The following KLHL1 variants were observed in gnomAD, a reference collection of about 807,000 sequenced individuals.
KLHL1 encodes kelch-like protein 1.
Under a neutral mutation model 77.7 loss-of-function variants are expected in KLHL1, and 47 were observed. That is an observed-to-expected ratio of 0.60 (90% CI 0.48 to 0.77). The LOEUF (loss-of-function observed/expected upper bound fraction) is 0.77. Ranked by LOEUF, KLHL1 falls within the 30% of genes least tolerant of loss-of-function variation. KLHL1 has a pLI of 0.00. For missense variants in KLHL1, 925 were observed against 910.8 expected (o/e 1.02, Z -0.20); for synonymous variants, 360 against 325.2 (o/e 1.11, Z -1.15).
At chr13:69,903,935 C>T (rs977258565) in intron 4 of KLHL1, among the ~76,000 whole-genome samples, 7 of 151,612 alleles carry the variant, frequency 4.6e-5, no homozygotes, top group African/African-American at 1.5e-4. Flanking sequence ...CCACCGCGCC[C>T]GGCCCTCACA....
intron 1 of KLHL1, among the ~76,000 whole-genome samples, chr13:70,039,694 T>C (rs1033521578): frequency 4.8e-5 from 7 of 146,712 alleles, no homozygotes; most frequent in Non-Finnish European, 7.5e-5. Flanking sequence ...GGCTAGAGAA[T>C]AGTGGTGCCA....
chr13:69,839,827 C>A (rs1004571400), intron 5 of KLHL1, among the ~76,000 whole-genome samples: 2 of 151,964 alleles, frequency 1.3e-5, no homozygotes, highest in African/African-American at 2.4e-5. Flanking sequence ...GTTATTGTCT[C>A]TGCAAATTAT....
chr13:69,979,332 C>T (rs1303179758), intron 1 of KLHL1, among the ~76,000 whole-genome samples: 1 of 152,060 alleles, frequency 6.6e-6, no homozygotes, highest in African/African-American at 2.4e-5. Flanking sequence ...TTCTCTCACA[C>T]ATTTCCTCAC....
At chr13:69,855,335 GATAGATAGATAGACAGACAGATAGATAC>G (rs1275035805) in intron 5 of KLHL1, among the ~76,000 whole-genome samples, 4 of 90,044 alleles carry the variant, frequency 4.4e-5, no homozygotes, top group African/African-American at 6.2e-5. Context: ...TAGATAGATA[GATAGATAGATAGACAGACAGATAGATAC>G]ATAGAGAGAT....
chr13:69,788,561 A>G (rs12429752), intron 7 of KLHL1, among the ~76,000 whole-genome samples: 6 of 152,088 alleles, frequency 3.9e-5, no homozygotes, highest in African/African-American at 1.4e-4. Context: ...GCCTAATGCT[A>G]AATGATGAGT....
At chr13:70,070,558 C>G (rs993993655) in intron 1 of KLHL1, among the ~76,000 whole-genome samples, 3 of 151,812 alleles carry the variant, frequency 2.0e-5, no homozygotes, top group Non-Finnish European at 2.9e-5. Flanking sequence ...AATTCTTAAA[C>G]AAAAATACAA....
intron 4 of KLHL1, among the ~76,000 whole-genome samples, chr13:69,885,979 A>G (rs990795362): frequency 6.6e-6 from 1 of 152,156 alleles, no homozygotes; most frequent in East Asian, 1.9e-4. Flanking sequence ...ATAATCAGGG[A>G]GTATAGTATG....
At chr13:69,964,269 T>G (rs1884150330) in intron 2 of KLHL1, among the ~76,000 whole-genome samples, 2 of 152,168 alleles carry the variant, frequency 1.3e-5, no homozygotes, top group South Asian at 4.1e-4. Context: ...CTGGAGCTAC[T>G]GGCCTTGAGT....
chr13:69,888,745 C>A (rs750282091), intron 4 of KLHL1, among the ~76,000 whole-genome samples: 1 of 151,622 alleles, frequency 6.6e-6, no homozygotes, highest in East Asian at 1.9e-4. Flanking sequence ...TTTAAGCCAC[C>A]CATTTTGTGG....
At chr13:69,710,906 G>C (rs944315584) in intron 9 of KLHL1, among the ~76,000 whole-genome samples, 2 of 151,928 alleles carry the variant, frequency 1.3e-5, no homozygotes, top group Non-Finnish European at 2.9e-5. Flanking sequence ...CCTGGTCAGA[G>C]TGTGAGCTCC....
At chr13:69,770,629 G>A (rs1875518815) in intron 7 of KLHL1, among the ~76,000 whole-genome samples, 1 of 152,186 alleles carries the variant, frequency 6.6e-6, no homozygotes, top group Admixed American at 6.5e-5. Flanking sequence ...GTGAGCCACT[G>A]TCCTAAGACA....
chr13:70,010,753 G>A (rs943983618), intron 1 of KLHL1, among the ~76,000 whole-genome samples: 3 of 151,756 alleles, frequency 2.0e-5, no homozygotes, highest in East Asian at 1.9e-4. Flanking sequence ...TTAGCTGGGT[G>A]TGGTGGTGGG....
chr13:69,964,101 T>C (rs1216595183), intron 2 of KLHL1, among the ~76,000 whole-genome samples: 1 of 152,132 alleles, frequency 6.6e-6, no homozygotes, highest in South Asian at 2.1e-4. Context: ...TGGAGTCCAG[T>C]GGCACAATCA....
intron 8 of KLHL1, among the ~76,000 whole-genome samples, chr13:69,734,987 A>G (rs1040970815): frequency 3.3e-5 from 5 of 152,116 alleles, no homozygotes; most frequent in Admixed American, 6.5e-5. Context: ...ATCATTTATA[A>G]GCAACTTTGA....
intron 1 of KLHL1, among the ~76,000 whole-genome samples, chr13:70,011,731 G>A (rs984118149): frequency 6.6e-6 from 1 of 152,180 alleles, no homozygotes. Context: ...AGAGTTCTTA[G>A]AAAAGTCAGG....
At chr13:69,751,392 T>G (rs1020989388) in intron 7 of KLHL1, among the ~76,000 whole-genome samples, 1 of 152,000 alleles carries the variant, frequency 6.6e-6, no homozygotes, top group African/African-American at 2.4e-5. Context: ...AGGACACAAA[T>G]AGGTGCTACC....
chr13:69,854,288 T>C (rs1879803858), intron 5 of KLHL1, among the ~76,000 whole-genome samples: 1 of 151,926 alleles, frequency 6.6e-6, no homozygotes, highest in Non-Finnish European at 1.5e-5. Flanking sequence ...TTCTACTCAT[T>C]GAGGAAGATG....
chr13:70,095,836 C>G (rs1305226168), intron 1 of KLHL1, among the ~76,000 whole-genome samples: 3 of 151,942 alleles, frequency 2.0e-5, no homozygotes, highest in Admixed American at 2.0e-4. Context: ...TCCACCCCCC[C>G]CACCACACTC....
At chr13:69,777,456 T>C (rs577901212) in intron 7 of KLHL1, among the ~76,000 whole-genome samples, 10 of 152,316 alleles carry the variant, frequency 6.6e-5, no homozygotes, top group African/African-American at 2.4e-4. Flanking sequence ...TCATATTAGA[T>C]ATTATCCTTA....
Sources: gnomAD v4.1 joint callset for allele counts (sites outside exome capture counted in the v4.1 genomes callset) on GRCh38, gnomAD v4.1.1 for gene constraint, MANE v1.5 for transcripts, NCBI Gene and HGNC (gene_info 2026-07-23, HGNC 2026-07-21) for gene names.